Variants in PRRG1 observed in about 807,000 individuals in gnomAD.
PRRG1 encodes proline rich and Gla domain 1.
Under a neutral mutation model 11.8 loss-of-function variants are expected in PRRG1, and 5 were observed. That is an observed-to-expected ratio of 0.42 (90% CI 0.22 to 0.89). PRRG1 has a LOEUF of 0.89. PRRG1 is among the 40% of genes least tolerant of loss of function. PRRG1 has a pLI of 0.28. For synonymous variants in PRRG1, 66 were observed against 60.4 expected, an observed-to-expected ratio of 1.09 and a Z score of -0.43; for missense variants, 155 against 166.1, an observed-to-expected ratio of 0.93 and a Z score of 0.37.
chrX:37,454,495 T>G lies in PRRG1; in HGVS notation c.*874T>G, dbSNP rs782268913. 7 of 112,275 alleles carry G rather than the reference T, an allele frequency of 6.2e-5. No homozygotes were observed. Among genetic ancestry groups the G allele is most frequent in the African/African-American group, 1.9e-4 (6 of 30,953 alleles). 9.3% of individuals were successfully genotyped at this position (112,275 alleles called of 1,213,427 possible). On this transcript the variant is annotated 3_prime_UTR_variant, in exon 4 of 4. Transcript: ENST00000378628. Reference sequence around the variant, plus strand: ...TCATAGCTGGTAAAATTATTCCCACTGTTTTATTGCCTTTTACTGTACGTT... The same window carrying G: ...TCATAGCTGGTAAAATTATTCCCACGGTTTTATTGCCTTTTACTGTACGTT...
chrX:37,372,403 A>C (rs1177395112), intron 1 of PRRG1, among the ~76,000 whole-genome samples: 1 of 112,206 alleles, frequency 8.9e-6, no homozygotes, highest in Non-Finnish European at 1.9e-5. Context: ...TCCCAGGTTC[A>C]AGTGATTCTC....
intron 1 of PRRG1, among the ~76,000 whole-genome samples, chrX:37,366,950 T>C (rs782743137): frequency 2.5e-4 from 28 of 111,687 alleles, no homozygotes; most frequent in Admixed American, 2.8e-4. Flanking sequence ...CACACACACA[T>C]CTACCTGAGT....
chrX:37,364,715 GGA>G (rs1409798247), intron 1 of PRRG1, among the ~76,000 whole-genome samples: 1 of 111,642 alleles, frequency 9.0e-6, no homozygotes, highest in African/African-American at 3.3e-5. Context: ...CTCCCTCCCT[GGA>G]CCTATCCACG....
At chrX:37,388,483 G>A (rs1556375777) in intron 1 of PRRG1, among the ~76,000 whole-genome samples, 1 of 113,111 alleles carries the variant, frequency 8.8e-6, no homozygotes, top group African/African-American at 3.2e-5. Context: ...TGCTCTCTGT[G>A]CACTCACAGG....
At chrX:37,445,641 C>T (rs1556394995) in intron 3 of PRRG1, among the ~76,000 whole-genome samples, 1 of 112,957 alleles carries the variant, frequency 8.9e-6, no homozygotes, top group Non-Finnish European at 1.9e-5. Context: ...TCCGGAAAGA[C>T]TTGGAAACTT....
At chrX:37,376,608 C>T (rs1194811842) in intron 1 of PRRG1, among the ~76,000 whole-genome samples, 1 of 69,100 alleles carries the variant, frequency 1.4e-5, no homozygotes, top group Non-Finnish European at 2.8e-5. Context: ...AGGTTCTGAG[C>T]TCATCATACC....
At chrX:37,394,029 C>T (rs1340618161) in intron 1 of PRRG1, among the ~76,000 whole-genome samples, 3 of 111,872 alleles carry the variant, frequency 2.7e-5, no homozygotes, top group African/African-American at 9.8e-5. Context: ...GTCCTAAGAT[C>T]CTCCTATTTA....
chrX:37,426,881 T>A (rs1310391807), intron 3 of PRRG1, among the ~76,000 whole-genome samples: 2 of 112,211 alleles, frequency 1.8e-5, no homozygotes, highest in Non-Finnish European at 3.8e-5. Flanking sequence ...ATAGTATATG[T>A]TCATTGTAGA....
At chrX:37,355,839 A>G (rs989259303) in intron 1 of PRRG1, among the ~76,000 whole-genome samples, 14 of 112,550 alleles carry the variant, frequency 1.2e-4, no homozygotes, top group African/African-American at 4.5e-4. Context: ...TCCAGCTACC[A>G]CTAATGGCTA....
intron 2 of PRRG1, among the ~76,000 whole-genome samples, chrX:37,407,437 G>C (rs1175257441): frequency 8.9e-6 from 1 of 111,933 alleles, no homozygotes; most frequent in Non-Finnish European, 1.9e-5. Context: ...AAATTAGAAT[G>C]CCTTGAAGGA....
At chrX:37,431,854 G>T (rs1389278217) in intron 3 of PRRG1, among the ~76,000 whole-genome samples, 1 of 109,167 alleles carries the variant, frequency 9.2e-6, no homozygotes, top group Non-Finnish European at 1.9e-5. Context: ...GGCAACCTTT[G>T]CCTCCCAGGT....
At chrX:37,448,227 G>A (rs1026932353) in intron 3 of PRRG1, among the ~76,000 whole-genome samples, 2 of 112,380 alleles carry the variant, frequency 1.8e-5, no homozygotes, top group East Asian at 2.8e-4. Context: ...AGAAACAGGC[G>A]GCTAAAGAGC....
intron 1 of PRRG1, among the ~76,000 whole-genome samples, chrX:37,378,979 A>G (rs1556373138): frequency 1.0e-5 from 1 of 96,883 alleles, no homozygotes; most frequent in Admixed American, 1.2e-4. Context: ...GTAAGTCCTT[A>G]TGAATTTTTG....
At chrX:37,432,021 C>T (rs782337763) in intron 3 of PRRG1, among the ~76,000 whole-genome samples, 43 of 109,807 alleles carry the variant, frequency 3.9e-4, no homozygotes, top group Non-Finnish European at 7.4e-4. Context: ...AGGCAATCCA[C>T]CCACCTCAGC....
chrX:37,395,984 T>C (rs1931701226), intron 1 of PRRG1, among the ~76,000 whole-genome samples: 1 of 111,953 alleles, frequency 8.9e-6, no homozygotes, highest in African/African-American at 3.2e-5. Context: ...TGATATAAAG[T>C]CAGTCTGGAT....
At chrX:37,410,823 TTGAC>T (rs1164170740) in intron 2 of PRRG1, among the ~76,000 whole-genome samples, 1 of 112,540 alleles carries the variant, frequency 8.9e-6, no homozygotes, top group Non-Finnish European at 1.9e-5. Flanking sequence ...ACTCACCCGT[TTGAC>T]TGATGAGTTT....
intron 1 of PRRG1, among the ~76,000 whole-genome samples, chrX:37,385,816 A>G (rs1333149493): frequency 9.3e-6 from 1 of 107,751 alleles, no homozygotes; most frequent in Non-Finnish European, 1.9e-5. Flanking sequence ...GCTGGAGTGC[A>G]GTGGCGTGAT....
chrX:37,449,996 G>A (rs1556396122), intron 3 of PRRG1, among the ~76,000 whole-genome samples: 1 of 112,474 alleles, frequency 8.9e-6, no homozygotes, highest in East Asian at 2.8e-4. Context: ...TGGCCTAAAG[G>A]ACATATCAGT....
At chrX:37,439,162 AC>A (rs1240119988) in intron 3 of PRRG1, among the ~76,000 whole-genome samples, 3 of 112,339 alleles carry the variant, frequency 2.7e-5, no homozygotes, top group Non-Finnish European at 5.6e-5. Flanking sequence ...AACTACAACA[AC>A]CAGTAGATCC....
Sources: allele counts gnomAD v4.1 joint callset (sites outside exome capture counted in the v4.1 genomes callset), GRCh38; gene constraint gnomAD v4.1.1; transcripts MANE v1.5; gene names NCBI Gene and HGNC (gene_info 2026-07-23, HGNC 2026-07-21).